The following DDX60L variants were observed in gnomAD, a reference collection of about 807,000 sequenced individuals.
The protein encoded by DDX60L is probable ATP-dependent RNA helicase DDX60-like.
In DDX60L, 191 loss-of-function variants were observed where a neutral mutation model predicts 211.6. That is an observed-to-expected ratio of 0.90 (90% confidence interval 0.80 to 1.02). The LOEUF (loss-of-function observed/expected upper bound fraction) is 1.02, where lower values mean the gene tolerates loss of function less well. Among genes scored for constraint, DDX60L ranks in the 50% least tolerant of loss-of-function variants. DDX60L has a pLI of 0.00. For missense variants in DDX60L, 2,007 were observed against 1,984.1 expected (o/e 1.01, Z -0.22); for synonymous variants, 706 against 694.1 (o/e 1.02, Z -0.27).
In DDX60L at chr4:168,416,800, A is replaced by C. The variant is rs1173701945; in HGVS notation, c.2611-3T>G. 6 of 1,500,822 alleles carry C rather than the reference A, an allele frequency of 4.0e-6. No homozygotes were observed. Among genetic ancestry groups the C allele is most frequent in the Non-Finnish European group, 5.4e-6 (6 of 1,109,718 alleles). 93.0% of individuals were successfully genotyped at this position (1,500,822 alleles called of 1,614,324 possible). On this transcript the variant is annotated splice_region_variant and splice_polypyrimidine_tract_variant and intron_variant, in intron 19 of 37. Coordinates refer to ENST00000682922, the MANE Select transcript of DDX60L (RefSeq NM_001012967.3). ...ACTTCTCTGCCAAGATAATGGACCT[A>C]GTAAAGAAAAAAAAATCAGTTGAAA...
intron 22 of DDX60L, among the ~76,000 whole-genome samples, chr4:168,410,871 T>A (rs1191373990): frequency 6.6e-6 from 1 of 152,174 alleles, no homozygotes; most frequent in Non-Finnish European, 1.5e-5. Context: ...CCAATACAGT[T>A]GTGGCAGCAC....
intron 33 of DDX60L, among the ~76,000 whole-genome samples, chr4:168,376,291 TAATAC>T (rs1741938527): frequency 6.6e-6 from 1 of 152,068 alleles, no homozygotes; most frequent in African/African-American, 2.4e-5. Context: ...AGGGTAAAGA[TAATAC>T]AATATGATCA....
Position 168,441,383 on chromosome 4 carries a change from T to C in DDX60L, c.1248A>G (p.Arg416=). ...EFNVGKSFPL[R]TTRRHFLRQE... ...GTCTAAGAAAATGTCTTCTTGTTGTTCTCAGAGGAAAAGACTTTCCAACGT... is the reference window on the plus strand; with the variant it reads ...GTCTAAGAAAATGTCTTCTTGTTGTCCTCAGAGGAAAAGACTTTCCAACGT... Residue 416 remains arginine, a synonymous_variant, in exon 10 of 38, where the codon AGA becomes AGG. Transcript: ENST00000682922. 1 of 1,612,384 alleles carries C rather than the reference T, an allele frequency of 6.2e-7. No individual in the cohort carries two copies. Among genetic ancestry groups the C allele is most frequent in the Non-Finnish European group, 8.5e-7 (1 of 1,179,192 alleles).
chr4:168,456,122 G>T lies in DDX60L; in HGVS notation c.754C>A (p.Leu252Ile). 2 of 1,590,144 alleles carry T rather than the reference G, an allele frequency of 1.3e-6. No homozygotes were observed. The highest frequency in any genetic ancestry group is 1.7e-6 in the Non-Finnish European group (2 of 1,170,700). Residue 252 changes from leucine to isoleucine, a missense_variant, in exon 7 of 38, where the codon CTA (leucine) becomes ATA (isoleucine). Transcript: ENST00000682922. ...TGGATGTCCGATCCTTCTGACCATA[G>T]GTGCTGAAGCAGAAATAGAGTCTGA... ...AYQTLFLLQH[L>I]WSEGSDIQRV...
At chr4:168,367,252 C>T (rs920114438) in intron 36 of DDX60L, among the ~76,000 whole-genome samples, 6 of 152,104 alleles carry the variant, frequency 3.9e-5, no homozygotes, top group Non-Finnish European at 5.9e-5. Context: ...TACCACATGT[C>T]GTGGGAGGAA....
chr4:168,411,433 T>A (rs968897419), intron 22 of DDX60L, among the ~76,000 whole-genome samples: 1 of 152,192 alleles, frequency 6.6e-6, no homozygotes, highest in African/African-American at 2.4e-5. Context: ...GCATGGTGAC[T>A]GGGACTTTGC....
chr4:168,392,224 C>A (rs1273715747), intron 28 of DDX60L, among the ~76,000 whole-genome samples: 2 of 152,178 alleles, frequency 1.3e-5, no homozygotes, highest in Admixed American at 1.3e-4. Flanking sequence ...AAACAGCTAA[C>A]TGATCTAATT....
chr4:168,462,358 C>A (rs890319505), intron 4 of DDX60L, among the ~76,000 whole-genome samples: 3 of 152,096 alleles, frequency 2.0e-5, no homozygotes, highest in African/African-American at 7.2e-5. Context: ...TGATGTGAAT[C>A]ACTATTAGTA....
chr4:168,456,820 C>T lies in DDX60L; in HGVS notation c.724-668G>A, dbSNP rs189025977. ...ATTTTGAAGTAATTTAAGTGTCTAG[C>T]ATTAAGAAAATATAATGCACTCATT... On this transcript the variant is annotated intron_variant, in intron 6 of 37. Transcript: ENST00000682922. 5.9e-5 allele frequency among the ~76,000 whole-genome samples: 9 copies of T among 152,116 alleles called. No homozygotes were observed. In the East Asian group the frequency reaches 1.7e-3, roughly 29 times the overall value.
intron 4 of DDX60L, among the ~76,000 whole-genome samples, chr4:168,467,263 G>T (rs1758110703): frequency 6.6e-6 from 1 of 151,812 alleles, no homozygotes; most frequent in Admixed American, 6.6e-5. Context: ...ACAAAAATTA[G>T]CCAACCATGC....
intron 8 of DDX60L, among the ~76,000 whole-genome samples, chr4:168,449,462 T>G (rs1579730010): frequency 2.6e-5 from 1 of 38,412 alleles, no homozygotes; most frequent in Non-Finnish European, 4.4e-5. Context: ...CTGGGGACTG[T>G]GGTGGGGTCG....
At chr4:168,473,581 G>A (rs1270122192) in intron 1 of DDX60L, among the ~76,000 whole-genome samples, 1 of 152,218 alleles carries the variant, frequency 6.6e-6, no homozygotes, top group Non-Finnish European at 1.5e-5. Context: ...CAGGAGGATG[G>A]ACGATGGGGC....
intron 30 of DDX60L, chr4:168,380,933 A>G (rs1301358329): frequency 6.6e-6 from 1 of 152,228 alleles, no homozygotes; most frequent in African/African-American, 2.4e-5. Context: ...GTGTTAGCAA[A>G]GAGGTTAGCT....
At chr4:168,413,938 A>G (rs1316913998) in intron 22 of DDX60L, among the ~76,000 whole-genome samples, 1 of 152,170 alleles carries the variant, frequency 6.6e-6, no homozygotes, top group African/African-American at 2.4e-5. Context: ...GACATTTAAT[A>G]ATCATACTCC....
intron 6 of DDX60L, among the ~76,000 whole-genome samples, 157 bp downstream of exon 6, chr4:168,457,735 T>C (rs1756787894): frequency 6.6e-6 from 1 of 152,198 alleles, no homozygotes; most frequent in Admixed American, 6.5e-5. Flanking sequence ...TTCAAGGTAC[T>C]CTGAGAGCAT....
chr4:168,420,340 A>C lies in DDX60L; in HGVS notation c.2435T>G (p.Phe812Cys), dbSNP rs780379662. ...TCTGCCGGCAGGCAACGTTTTAGTA[A>C]AACGATTCTCAACAGTTGCAGCCAC... ...GQVAATVENR[F>C]TKTLPAGRTL... Residue 812 changes from phenylalanine (F) to cysteine (C), a missense_variant, in exon 18 of 38, where the codon TTT becomes TGT. Physicochemically the swap from Phe to Cys is radical, Grantham distance 205. Transcript: ENST00000682922. 1.2e-6 allele frequency: 2 copies of C among 1,611,092 alleles called. No individual in the cohort carries two copies. Among genetic ancestry groups the C allele is most frequent in the Non-Finnish European group, 1.7e-6 (2 of 1,179,332 alleles).
intron 3 of DDX60L, 58 bp from the exon 4 acceptor site, chr4:168,471,994 T>C: frequency 7.2e-7 from 1 of 1,388,724 alleles, no homozygotes; most frequent in South Asian, 1.3e-5. Flanking sequence ...ACTTTGTTGC[T>C]GTTGTTGTTA....
intron 22 of DDX60L, among the ~76,000 whole-genome samples, chr4:168,409,647 G>C (rs201236527): frequency 2.0e-5 from 3 of 152,160 alleles, no homozygotes; most frequent in East Asian, 3.8e-4. Context: ...GAAAATGTCT[G>C]GAAGACAGAA....
chr4:168,373,584 G>T, intron 35 of DDX60L, 82 bp downstream of exon 35: 1 of 1,390,396 alleles, frequency 7.2e-7, no homozygotes, highest in South Asian at 1.3e-5. Flanking sequence ...TTGGGTTTGA[G>T]GTCCTATCAA....
Sources: allele counts gnomAD v4.1 joint callset (sites outside exome capture counted in the v4.1 genomes callset), GRCh38; gene constraint gnomAD v4.1.1; transcripts MANE v1.5; gene names NCBI Gene and HGNC (gene_info 2026-07-23, HGNC 2026-07-21).